The following PANK1 variants were observed in gnomAD, a reference collection of about 807,000 sequenced individuals.
The protein encoded by PANK1 is pantothenic acid kinase 1.
In PANK1, 18 loss-of-function variants were observed where a neutral mutation model predicts 40.1. The ratio of observed to expected loss-of-function variants is 0.45; its 90% confidence interval spans 0.31 to 0.67. The LOEUF (loss-of-function observed/expected upper bound fraction) is 0.67. Among genes scored for constraint, PANK1 ranks in the 30% least tolerant of loss-of-function variants. The pLI is 0.06. For missense variants in PANK1, 457 were observed against 599.6 expected (o/e 0.76, Z 2.48); for synonymous variants, 242 against 237.7 (o/e 1.02, Z -0.17).
At chr10:89,610,067 C>G (rs1042721388) in intron 2 of PANK1, among the ~76,000 whole-genome samples, 1 of 152,188 alleles carries the variant, frequency 6.6e-6, no homozygotes, top group African/African-American at 2.4e-5. Flanking sequence ...AGTCCCAGCT[C>G]TTACCTAGGT....
intron 1 of PANK1, among the ~76,000 whole-genome samples, chr10:89,638,027 G>A (rs909177730): frequency 1.1e-4 from 17 of 151,582 alleles, no homozygotes; most frequent in South Asian, 2.1e-4. Flanking sequence ...TCAATATCAC[G>A]GTCTTCCACA....
intron 1 of PANK1, among the ~76,000 whole-genome samples, chr10:89,613,206 T>A (rs1845214513): frequency 6.6e-6 from 1 of 151,850 alleles, no homozygotes; most frequent in Admixed American, 6.6e-5. Flanking sequence ...AAGGTTAGAG[T>A]CTTCCTTTTT....
chr10:89,622,820 G>A (rs11185814), intron 1 of PANK1, among the ~76,000 whole-genome samples: 47,375 of 150,246 alleles, frequency 0.32, 7,537 homozygotes, highest in Non-Finnish European at 0.35. Context: ...CTGGGTGACA[G>A]AGCGAGACTC....
intron 1 of PANK1, among the ~76,000 whole-genome samples, chr10:89,630,752 G>A (rs1036772178): frequency 2.0e-5 from 3 of 152,138 alleles, no homozygotes; most frequent in African/African-American, 7.2e-5. Flanking sequence ...TCGGCCTTCC[G>A]AAGTGCTGGA....
At chr10:89,605,063 TA>T (rs760265414) in intron 2 of PANK1, among the ~76,000 whole-genome samples, 11,490 of 132,920 alleles carry the variant, frequency 0.086, 718 homozygotes, top group African/African-American at 0.19. Flanking sequence ...GCATTATGTC[TA>T]AAAAAAAAAA....
intron 2 of PANK1, among the ~76,000 whole-genome samples, chr10:89,608,345 A>G (rs941214845): frequency 1.1e-4 from 16 of 152,074 alleles, no homozygotes; most frequent in African/African-American, 3.9e-4. Flanking sequence ...CTAAAATGTT[A>G]AAAAAGAAAA....
At chr10:89,619,190 A>C (rs545099848) in intron 1 of PANK1, among the ~76,000 whole-genome samples, 3 of 152,372 alleles carry the variant, frequency 2.0e-5, no homozygotes, top group African/African-American at 7.2e-5. Flanking sequence ...ACTGAAATAA[A>C]TCTGCATTTC....
chr10:89,594,336 G>C (rs994337941), intron 3 of PANK1, among the ~76,000 whole-genome samples: 1 of 152,094 alleles, frequency 6.6e-6, no homozygotes, highest in Non-Finnish European at 1.5e-5. Flanking sequence ...CTTCTATTTG[G>C]GTGGTCTGAA....
rs779519019 is a variant in PANK1 at position 89,645,028 on chromosome 10, C to T, written c.-137G>A. 13 of 1,565,858 alleles carry T rather than the reference C, an allele frequency of 8.3e-6. No homozygotes were observed. The highest frequency in any genetic ancestry group is 1.0e-5 in the Non-Finnish European group (12 of 1,160,154). ...CCGCAGAGCCGGCGCCTGGGGATGG[C>T]GAACCCGGCGCTCCTCCCCTCCTCC... On this transcript the variant is annotated 5_prime_UTR_variant, in exon 1 of 7. Transcript: ENST00000307534.
intron 1 of PANK1, among the ~76,000 whole-genome samples, chr10:89,614,741 G>A (rs1845267620): frequency 6.6e-6 from 1 of 151,986 alleles, no homozygotes; most frequent in African/African-American, 2.4e-5. Flanking sequence ...AGGTTGCAGC[G>A]AGCCGAGATT....
At chr10:89,635,400 A>G (rs1287053812) in intron 1 of PANK1, among the ~76,000 whole-genome samples, 13 of 152,206 alleles carry the variant, frequency 8.5e-5, no homozygotes, top group Admixed American at 8.5e-4. Context: ...CAAGAGAGCA[A>G]AAGAGTGAAC....
intron 1 of PANK1, among the ~76,000 whole-genome samples, chr10:89,616,920 C>CAAAAAAAAAAAAAAAAAAAAAAAAA (rs937915055): frequency 1.3e-5 from 2 of 150,450 alleles, no homozygotes; most frequent in African/African-American, 5.0e-5. Context: ...GACTCCATCT[C>CAAAAAAAAAAAAAAAAAAAAAAAAA]AAAAAAAGAG....
At chr10:89,629,421 AAATATG>A (rs1841567808) in intron 1 of PANK1, among the ~76,000 whole-genome samples, 1 of 152,254 alleles carries the variant, frequency 6.6e-6, no homozygotes, top group Admixed American at 6.5e-5. Flanking sequence ...TATAAAATAT[AAATATG>A]AACATTCAAA....
chr10:89,619,676 G>C (rs892566826), intron 1 of PANK1, among the ~76,000 whole-genome samples: 3 of 152,192 alleles, frequency 2.0e-5, no homozygotes, highest in African/African-American at 7.2e-5. Context: ...GCAGCCAGTT[G>C]CTGCCATGGA....
chr10:89,605,721 C>G (rs1844942986), intron 2 of PANK1, among the ~76,000 whole-genome samples: 1 of 152,122 alleles, frequency 6.6e-6, no homozygotes, highest in Non-Finnish European at 1.5e-5. Context: ...CAACTTGAAT[C>G]TGAAATGTTC....
intron 5 of PANK1, chr10:89,592,910 A>G (rs10509577): frequency 0.048 from 25,109 of 526,544 alleles, 850 homozygotes; most frequent in Non-Finnish European, 0.07. Flanking sequence ...TTCAGTGGAC[A>G]CATGGCAATA....
intron 1 of PANK1, among the ~76,000 whole-genome samples, chr10:89,627,917 C>T (rs955606192): frequency 6.6e-6 from 1 of 152,122 alleles, no homozygotes; most frequent in Non-Finnish European, 1.5e-5. Context: ...TGGCCCATAA[C>T]AGGCAAATGA....
chr10:89,596,013 A>G (rs1272633618), intron 3 of PANK1, among the ~76,000 whole-genome samples: 2 of 151,472 alleles, frequency 1.3e-5, no homozygotes, highest in Non-Finnish European at 2.9e-5. Flanking sequence ...GAGTAAAGGA[A>G]GAGGTCCATG....
intron 1 of PANK1, 136 bp from the exon 2 acceptor site, chr10:89,612,184 T>A (rs1043811289): frequency 1.3e-6 from 1 of 784,538 alleles, no homozygotes; most frequent in East Asian, 2.7e-5. Flanking sequence ...TGAATTCAAC[T>A]ATATGTGCCT....
Sources: allele counts gnomAD v4.1 joint callset (sites outside exome capture counted in the v4.1 genomes callset), GRCh38; gene constraint gnomAD v4.1.1; transcripts MANE v1.5; gene names NCBI Gene and HGNC (gene_info 2026-07-23, HGNC 2026-07-21).